Variants in FGF1 observed in about 807,000 individuals in gnomAD.
FGF1 encodes the protein fibroblast growth factor 1.
Under a neutral mutation model 13.4 loss-of-function variants are expected in FGF1, and 9 were observed. The ratio of observed to expected loss-of-function variants is 0.67; its 90% CI spans 0.40 to 1.17. FGF1 has a LOEUF of 1.17. FGF1 is among the 50% of genes most tolerant of loss of function. The pLI, the probability that FGF1 is intolerant of heterozygous loss-of-function variation, is 0.01. For synonymous variants in FGF1, 93 were observed against 79.0 expected (o/e 1.18, Z -0.94); for missense variants, 156 against 192.7 (o/e 0.81, Z 1.13).
At chr5:142,658,617 C>T (rs571301219) in intron 1 of FGF1, among the ~76,000 whole-genome samples, 2 of 152,270 alleles carry the variant, frequency 1.3e-5, no homozygotes, top group East Asian at 1.9e-4. Flanking sequence ...CAGACACACA[C>T]ACGCACACAC....
intron 1 of FGF1, among the ~76,000 whole-genome samples, chr5:142,656,585 C>T (rs2151987722): frequency 6.6e-6 from 1 of 152,340 alleles, no homozygotes; most frequent in East Asian, 1.9e-4. Context: ...AACATCAATG[C>T]ATGAAATTCA....
Position 142,663,566 on chromosome 5 carries a change from A to G in FGF1, c.-35+22391T>C, listed in dbSNP as rs62382158. Among the ~76,000 whole-genome samples the G allele has an allele frequency of 7.7e-4, 117 of 152,348 alleles. 1 individual carries two copies. The highest frequency in any genetic ancestry group is 1.3e-3 in the Non-Finnish European group (88 of 68,038). On this transcript the variant is annotated intron_variant, in intron 1 of 3. Coordinates refer to ENST00000337706, the MANE Select transcript of FGF1 (RefSeq NM_000800.5). ...TAGCCAAGAGGTCGAGACAGAAGGC[A>G]AGAAGATACTCCGTGATGACCCGAG... is the stretch of plus-strand genomic sequence containing the variant.
At chr5:142,635,929 T>C (rs1228873803) in intron 1 of FGF1, among the ~76,000 whole-genome samples, 7 of 152,392 alleles carry the variant, frequency 4.6e-5, no homozygotes, top group Admixed American at 3.9e-4. Flanking sequence ...CTTGTTTTAT[T>C]TAAAAGCGGT....
intron 1 of FGF1, among the ~76,000 whole-genome samples, chr5:142,625,938 T>C (rs146520538): frequency 0.012 from 1,762 of 152,312 alleles, 36 homozygotes; most frequent in African/African-American, 0.04. Context: ...CTTCTCCAGA[T>C]GCAGTCTTTT....
intron 1 of FGF1, among the ~76,000 whole-genome samples, chr5:142,632,463 G>T (rs796209437): frequency 6.6e-6 from 1 of 152,174 alleles, no homozygotes; most frequent in African/African-American, 2.4e-5. Context: ...TTTAAGGTCT[G>T]TTGCTTTGGT....
At chr5:142,650,809 C>T (rs1054996166) in intron 1 of FGF1, among the ~76,000 whole-genome samples, 2 of 152,088 alleles carry the variant, frequency 1.3e-5, no homozygotes, top group Admixed American at 6.5e-5. Flanking sequence ...CTATTATTCT[C>T]ACAGGAAAAT....
intron 1 of FGF1, among the ~76,000 whole-genome samples, chr5:142,639,803 G>T (rs12652485): frequency 0.37 from 56,595 of 151,746 alleles, 11,326 homozygotes; most frequent in Non-Finnish European, 0.46. Flanking sequence ...TTTCACAATG[G>T]ACACATAGAT....
intron 2 of FGF1, among the ~76,000 whole-genome samples, chr5:142,695,693 C>T (rs1753013792): frequency 6.6e-6 from 1 of 151,988 alleles, no homozygotes; most frequent in East Asian, 1.9e-4. Flanking sequence ...GGTCAATTAA[C>T]TGGATGCACT....
chr5:142,592,800 A>G lies in FGF1; in HGVS notation c.*2490T>C, dbSNP rs1030556032. 3 of 153,274 alleles carry G rather than the reference A, an allele frequency of 2.0e-5. No individual in the cohort carries two copies. The highest frequency in any genetic ancestry group is 3.3e-5 in the Non-Finnish European group (3 of 89,888). 9.5% of individuals were successfully genotyped at this position (153,274 alleles called of 1,614,324 possible). On this transcript the variant is annotated 3_prime_UTR_variant, in exon 4 of 4. Transcript: ENST00000337706. ...TGACATTTTGATAGGGGTTTATTTT[A>G]TGCTGGGGTTGCTGATTCTTCCAAA...
chr5:142,641,338 G>A (rs551273789), intron 1 of FGF1, among the ~76,000 whole-genome samples: 1 of 152,054 alleles, frequency 6.6e-6, no homozygotes, highest in South Asian at 2.1e-4. Flanking sequence ...TTGATTTAGG[G>A]TTCACTTAGG....
chr5:142,626,153 T>G (rs1407811278), intron 1 of FGF1, among the ~76,000 whole-genome samples: 2 of 139,054 alleles, frequency 1.4e-5, no homozygotes, highest in African/African-American at 5.0e-5. Flanking sequence ...TAGGAAAGTA[T>G]TTTTGTTTTT....
chr5:142,690,341 G>A (rs75838151), upstream of FGF1, among the ~76,000 whole-genome samples: 21,285 of 151,660 alleles, frequency 0.14, 1,807 homozygotes, highest in Non-Finnish European at 0.19. Context: ...TCCGTCTGGG[G>A]AAAAAATAAA....
chr5:142,645,040 TTG>T (rs1765780662), intron 1 of FGF1, among the ~76,000 whole-genome samples: 2 of 152,048 alleles, frequency 1.3e-5, no homozygotes, highest in African/African-American at 2.4e-5. Context: ...GGAGGGTGCA[TTG>T]TGGGCAGCGT....
intron 2 of FGF1, among the ~76,000 whole-genome samples, chr5:142,695,746 T>G (rs1238856094): frequency 6.6e-6 from 1 of 150,960 alleles, no homozygotes; most frequent in African/African-American, 2.4e-5. Flanking sequence ...AGAGAGGGCT[T>G]GGGAATGAAA....
chr5:142,614,594 C>G lies in FGF1; in HGVS notation c.-34-433G>C, dbSNP rs552932531. On this transcript the variant is annotated intron_variant, in intron 1 of 3. Transcript: ENST00000337706. ...GGACCAAGGTTCTGCCCTCCACCCT[C>G]ACGTTGCGTTGGTGAGGTACCGCGA... 2.0e-5 allele frequency among the ~76,000 whole-genome samples: 3 copies of G among 152,320 alleles called. No individual in the cohort carries two copies. In the South Asian group the frequency reaches 6.2e-4, roughly 32 times the overall value.
chr5:142,645,081 A>G (rs1015950978), intron 1 of FGF1, among the ~76,000 whole-genome samples: 1 of 94,824 alleles, frequency 1.1e-5, no homozygotes, highest in African/African-American at 3.3e-5. Flanking sequence ...TCCCCCAGGC[A>G]GCTCTTAGCT....
At chr5:142,642,796 G>A (rs1765407186) in intron 1 of FGF1, among the ~76,000 whole-genome samples, 1 of 152,196 alleles carries the variant, frequency 6.6e-6, no homozygotes, top group Non-Finnish European at 1.5e-5. Context: ...GGGAAGACCT[G>A]GGATCCTGTA....
chr5:142,664,718 G>T (rs1442623743), intron 1 of FGF1, among the ~76,000 whole-genome samples: 1 of 152,206 alleles, frequency 6.6e-6, no homozygotes, highest in African/African-American at 2.4e-5. Context: ...GATGTCCAGG[G>T]ATTTCCTCTT....
At chr5:142,683,534 T>A (rs1379711612) in intron 1 of FGF1, among the ~76,000 whole-genome samples, 1 of 151,988 alleles carries the variant, frequency 6.6e-6, no homozygotes, top group Non-Finnish European at 1.5e-5. Context: ...ATATAGTAAT[T>A]AAGAAAATTA....
Sources: gnomAD v4.1 joint callset for allele counts (sites outside exome capture counted in the v4.1 genomes callset) on GRCh38, gnomAD v4.1.1 for gene constraint, MANE v1.5 for transcripts, NCBI Gene and HGNC (gene_info 2026-07-23, HGNC 2026-07-21) for gene names.